CPSF2: variants seen among roughly 807,000 people sequenced by gnomAD.
CPSF2 encodes the protein cleavage and polyadenylation specificity factor subunit 2.
In CPSF2, 51 loss-of-function variants were observed where a neutral mutation model predicts 84.2. The observed-to-expected ratio is 0.61, with a 90% CI of 0.48 to 0.77. CPSF2 has a LOEUF of 0.77. Ranked by LOEUF, CPSF2 falls within the 30% of genes least tolerant of loss-of-function variation. The probability of loss-of-function intolerance (pLI) is 0.00; values close to 1 mark genes in which losing one functional copy is unlikely to be tolerated. For missense variants in CPSF2, 641 were observed against 929.4 expected (o/e 0.69, Z 4.03); for synonymous variants, 286 against 311.9 (o/e 0.92, Z 0.87).
chr14:92,152,682 G>A (rs1340298744), intron 9 of CPSF2, among the ~76,000 whole-genome samples: 1 of 152,084 alleles, frequency 6.6e-6, no homozygotes, highest in Non-Finnish European at 1.5e-5. Context: ...TAGGTGATCT[G>A]CCTGCCTCGA....
intron 6 of CPSF2, among the ~76,000 whole-genome samples, chr14:92,137,074 CAA>C (rs1287589769): frequency 6.7e-6 from 1 of 150,000 alleles, no homozygotes; most frequent in Non-Finnish European, 1.5e-5. Context: ...CAAAAACTTA[CAA>C]CATATATATA....
chr14:92,133,886 A>T (rs1362954135), intron 3 of CPSF2, 125 bp from the exon 4 acceptor site: 1 of 859,588 alleles, frequency 1.2e-6, no homozygotes, highest in African/African-American at 1.7e-5. Flanking sequence ...TCATAATTTT[A>T]GCTCTTAGTT....
rs2069428550 is a variant in CPSF2 at position 92,165,244 on chromosome 14, T to TG, written c.*3500_*3501insG. On this transcript the variant is annotated 3_prime_UTR_variant, in exon 16 of 16. Coordinates refer to ENST00000298875, the MANE Select transcript of CPSF2 (RefSeq NM_017437.3). Reference sequence around the variant, plus strand: ...TGCTCTGAACATTCATGTGCAAGTTTTTTTTTTTTTGTATGTACATATGTT... The same window carrying TG: ...TGCTCTGAACATTCATGTGCAAGTTTGTTTTTTTTTTGTATGTACATATGTT... The TG allele has an allele frequency of 6.6e-6, 1 of 151,970 alleles. No individual in the cohort carries two copies. The highest frequency in any genetic ancestry group is 6.6e-5 in the Admixed American group (1 of 15,226). 9.4% of individuals were successfully genotyped at this position (151,970 alleles called of 1,614,324 possible). A position where few individuals can be genotyped will look rare whatever the true frequency, so the allele number is the denominator to read the frequency against.
Position 92,159,229 on chromosome 14 carries a change from A to G in CPSF2, c.2068A>G (p.Thr690Ala), listed in dbSNP as rs752654108. ...TCTGTTCGGAGATGATGAAAAAGAA[A>G]CAGGTGAAGAAAGTGAGATCATTCC... is the stretch of plus-strand genomic sequence containing the variant. ...KSLFGDDEKETGEESEIIPTL... is the reference protein window; with the variant it reads ...KSLFGDDEKEAGEESEIIPTL... The change falls in exon 14 of 16, where the codon ACA (threonine) becomes GCA (alanine). Residue 690 changes from threonine (T) to alanine (A), a missense_variant. Physicochemically the swap from Thr to Ala is moderately conservative, Grantham distance 58. This residue lies in a region of CPSF2 where 430 missense variants were observed against 553.6 expected (regional missense o/e 0.78). Coordinates refer to ENST00000298875, the MANE Select transcript of CPSF2 (RefSeq NM_017437.3). The G allele has an allele frequency of 6.2e-7, 1 of 1,613,332 alleles. No individual in the cohort carries two copies. Among genetic ancestry groups the G allele is most frequent in the Non-Finnish European group, 8.5e-7 (1 of 1,179,644 alleles).
At chr14:92,135,517 G>A (rs1333355702) in intron 6 of CPSF2, 21 bp downstream of exon 6, 1 of 1,592,118 alleles carries the variant, frequency 6.3e-7, no homozygotes, top group East Asian at 2.3e-5. Context: ...CAAGAGAAAA[G>A]CTAAAGGCAA....
Position 92,165,945 on chromosome 14 carries a change from T to A in CPSF2, c.*4201T>A, listed in dbSNP as rs1438681258. On this transcript the variant is annotated 3_prime_UTR_variant, in exon 16 of 16. Coordinates refer to ENST00000298875, the MANE Select transcript of CPSF2 (RefSeq NM_017437.3). ...GGCGCGGTCTCAGCTCACTGCAACC[T>A]CTGCCTCCCAGATTAAAGGGATTCT... 7.3e-6 allele frequency: 1 copy of A among 136,578 alleles called. No homozygotes were observed. The highest frequency in any genetic ancestry group is 1.5e-5 in the Non-Finnish European group (1 of 64,948). The allele number at this position is 136,578 out of a possible 1,614,324, so 8.5% of individuals were successfully genotyped here.
At position 92,165,852 on chromosome 14, in the gene CPSF2, A is replaced by ATTTTTTTTTTTTTTT. The variant is rs1222722128; in HGVS notation, c.*4109_*4110insTTTTTTTTTTTTTTT. 1.9e-5 allele frequency: 1 copy of ATTTTTTTTTTTTTTT among 53,912 alleles called. No individual in the cohort carries two copies. Among genetic ancestry groups the ATTTTTTTTTTTTTTT allele is most frequent in the Admixed American group, 1.9e-4 (1 of 5,206 alleles). 3.3% of individuals were successfully genotyped at this position (53,912 alleles called of 1,614,324 possible). On this transcript the variant is annotated 3_prime_UTR_variant, in exon 16 of 16. Transcript: ENST00000298875. ...TTCAGTTCTTTGTGCTTGGTTTTAT[A>ATTTTTTTTTTTTTTT]TCTTTTTTTTTTTTTTTTTTTTTTT...
At chr14:92,125,982 T>C (rs2068841362) in intron 1 of CPSF2, 140 bp from the exon 2 acceptor site, 1 of 152,238 alleles carries the variant, frequency 6.6e-6, no homozygotes, top group African/African-American at 2.4e-5. Context: ...ATGACAGATC[T>C]CTTTTTTAAA....
intron 7 of CPSF2, among the ~76,000 whole-genome samples, chr14:92,141,672 C>CTTCT: frequency 6.6e-6 from 1 of 152,002 alleles, no homozygotes; most frequent in Non-Finnish European, 1.5e-5. Context: ...TTTTGGTATT[C>CTTCT]GTGGGAGTCC....
At chr14:92,130,299 A>T (rs1370282357) in intron 2 of CPSF2, among the ~76,000 whole-genome samples, 2 of 148,876 alleles carry the variant, frequency 1.3e-5, no homozygotes, top group Non-Finnish European at 3.0e-5. Flanking sequence ...TTGGTGGGGG[A>T]GGGGGAGGGT....
intron 1 of CPSF2, among the ~76,000 whole-genome samples, chr14:92,122,868 T>TTA (rs1555413149): frequency 3.2e-4 from 49 of 151,166 alleles, no homozygotes; most frequent in African/African-American, 1.1e-3. Flanking sequence ...TTTTTTTTTT[T>TTA]AATAAAGACG....
At position 92,157,651 on chromosome 14, in the gene CPSF2, A is replaced by G; in HGVS notation, c.1596-8A>G. 6.2e-7 allele frequency: 1 copy of G among 1,600,992 alleles called. No homozygotes were observed. Among genetic ancestry groups the G allele is most frequent in the Middle Eastern group, 1.7e-4 (1 of 6,010 alleles). On this transcript the variant is annotated splice_polypyrimidine_tract_variant and splice_region_variant and intron_variant, in intron 12 of 15. Transcript: ENST00000298875. This position sits in a 1 kb window ranked among gnomAD's most constrained non-coding sequence, Gnocchi z 4.0. Reference sequence around the variant, plus strand: ...AAAGTAATCTTGAATAATCATATCTAATTACAGAGCCCGGGTTACCTACAT... The same window carrying G: ...AAAGTAATCTTGAATAATCATATCTGATTACAGAGCCCGGGTTACCTACAT...
intron 15 of CPSF2, 108 bp from the exon 16 acceptor site, chr14:92,161,544 C>G (rs1425645203): frequency 2.7e-6 from 2 of 733,036 alleles, no homozygotes; most frequent in East Asian, 3.0e-5. Flanking sequence ...CAGAGCAACC[C>G]ATGTCCTGAC....
At chr14:92,143,846 T>C (rs1475583581) in intron 9 of CPSF2, among the ~76,000 whole-genome samples, 1 of 152,172 alleles carries the variant, frequency 6.6e-6, no homozygotes, top group South Asian at 2.1e-4. Context: ...AAATTCTCAT[T>C]CTTAAACTTT....
Position 92,163,239 on chromosome 14 carries a change from A to C in CPSF2, c.*1495A>C, listed in dbSNP as rs562750990. The C allele has an allele frequency of 6.6e-6, 1 of 152,256 alleles. No homozygotes were observed. The highest frequency in any genetic ancestry group is 1.5e-5 in the Non-Finnish European group (1 of 68,010). 9.4% of individuals were successfully genotyped at this position (152,256 alleles called of 1,614,324 possible). A position where few individuals can be genotyped will look rare whatever the true frequency, so the allele number is the denominator to read the frequency against. ...TTTTTGGAAGGATCGATCTTATTTAACTATGTGTGGAACAACCCAGTAATA... is the reference window on the plus strand; with the variant it reads ...TTTTTGGAAGGATCGATCTTATTTACCTATGTGTGGAACAACCCAGTAATA... On this transcript the variant is annotated 3_prime_UTR_variant, in exon 16 of 16. Coordinates refer to ENST00000298875, the MANE Select transcript of CPSF2 (RefSeq NM_017437.3).
chr14:92,159,359 C>T, intron 14 of CPSF2, 77 bp downstream of exon 14: 2 of 1,245,510 alleles, frequency 1.6e-6, no homozygotes, highest in Non-Finnish European at 2.2e-6. Context: ...TGGTTTTTTT[C>T]CCCCCTTCTA....
In CPSF2 at chr14:92,170,460, A is replaced by G. The variant is rs2069503953; in HGVS notation, c.*8716A>G. ...CAGTACTTAAAATCAGGAAACCAGC[A>G]TTGATAAAATTCTACCATTTGATCC... On this transcript the variant is annotated 3_prime_UTR_variant, in exon 16 of 16. Transcript: ENST00000298875. The G allele has an allele frequency of 1.3e-5, 2 of 152,266 alleles. No homozygotes were observed. The highest frequency in any genetic ancestry group is 4.8e-5 in the African/African-American group (2 of 41,468). 9.4% of individuals were successfully genotyped at this position (152,266 alleles called of 1,614,324 possible). A position where few individuals can be genotyped will look rare whatever the true frequency, so the allele number is the denominator to read the frequency against.
At position 92,135,470 on chromosome 14, in the gene CPSF2, A is replaced by G. The variant is rs377010120; in HGVS notation, c.519A>G (p.Ala173=). Residue 173 remains alanine (A), a synonymous_variant, in exon 6 of 16, where the codon GCA becomes GCG. Coordinates refer to ENST00000298875, the MANE Select transcript of CPSF2 (RefSeq NM_017437.3). ...ATGGAGAAGAAGAAATTGTTTATGC[A>G]GTTGACTTCAACCACAAGAGGGAGA... ...VKDGEEEIVY[A]VDFNHKREIH... The G allele has an allele frequency of 1.2e-6, 2 of 1,613,472 alleles. No homozygotes were observed. Among genetic ancestry groups the G allele is most frequent in the African/African-American group, 2.7e-5 (2 of 74,912 alleles).
Position 92,170,395 on chromosome 14 carries a change from G to A in CPSF2, c.*8651G>A, listed in dbSNP as rs2069503119. 6.6e-6 allele frequency: 1 copy of A among 152,164 alleles called. No individual in the cohort carries two copies. Among genetic ancestry groups the A allele is most frequent in the Admixed American group, 6.5e-5 (1 of 15,268 alleles). 9.4% of individuals were successfully genotyped at this position (152,164 alleles called of 1,614,324 possible). A position where few individuals can be genotyped will look rare whatever the true frequency, so the allele number is the denominator to read the frequency against. On this transcript the variant is annotated 3_prime_UTR_variant, in exon 16 of 16. Coordinates refer to ENST00000298875, the MANE Select transcript of CPSF2 (RefSeq NM_017437.3). ...TGTCCCATTAGTACTAAATACTTAA[G>A]TGTATACTTTTTAAAAACAAGGACA...
Sources: allele counts gnomAD v4.1 joint callset (sites outside exome capture counted in the v4.1 genomes callset), GRCh38; gene constraint gnomAD v4.1.1; regional missense constraint gnomAD v4.1.1; non-coding constraint Gnocchi (gnomAD v3.1); transcripts MANE v1.5; gene names NCBI Gene and HGNC (gene_info 2026-07-23, HGNC 2026-07-21).